Variants in CNTN4 observed in about 807,000 individuals in gnomAD.
The protein encoded by CNTN4 is contactin 4.
CNTN4 carries 77 observed loss-of-function variants against 122.5 expected under a neutral mutation model. The observed-to-expected ratio is 0.63, with a 90% CI of 0.52 to 0.76. CNTN4 has a LOEUF of 0.76. Ranked by LOEUF, CNTN4 falls within the 30% of genes least tolerant of loss-of-function variation. The probability of loss-of-function intolerance (pLI) is 0.00; values close to 1 mark genes in which losing one functional copy is unlikely to be tolerated. For synonymous variants in CNTN4, 512 were observed against 447.0 expected (o/e 1.15, Z -1.83); for missense variants, 1,256 against 1,259.1 (o/e 1.00, Z 0.04).
intron 13 of CNTN4, among the ~76,000 whole-genome samples, chr3:2,962,296 GAAAT>G (rs2094869121): frequency 6.6e-6 from 1 of 152,140 alleles, no homozygotes; most frequent in Non-Finnish European, 1.5e-5. Context: ...TGCAGCACAG[GAAAT>G]CCCAGGTTTC....
At chr3:2,215,083 T>C (rs1575098387) in intron 2 of CNTN4, among the ~76,000 whole-genome samples, 1 of 152,218 alleles carries the variant, frequency 6.6e-6, no homozygotes, top group East Asian at 1.9e-4. Context: ...TACAAACATA[T>C]CCTTTCTCAC....
At chr3:2,998,866 A>G (rs949466944) in intron 14 of CNTN4, among the ~76,000 whole-genome samples, 2 of 152,236 alleles carry the variant, frequency 1.3e-5, no homozygotes, top group Admixed American at 1.3e-4. Flanking sequence ...GCTAAGTGAC[A>G]TGACGCCAAC....
At chr3:2,276,977 A>G (rs967881700) in intron 2 of CNTN4, among the ~76,000 whole-genome samples, 2 of 152,180 alleles carry the variant, frequency 1.3e-5, no homozygotes, top group South Asian at 2.1e-4. Context: ...AAAAAAATCC[A>G]TATGCCACAG....
chr3:2,876,361 G>A (rs9847797), intron 8 of CNTN4, among the ~76,000 whole-genome samples: 64,744 of 152,030 alleles, frequency 0.43, 14,344 homozygotes, highest in East Asian at 0.77. Context: ...GTGAATTTGT[G>A]TGACTAATTG....
intron 4 of CNTN4, among the ~76,000 whole-genome samples, chr3:2,576,594 CTGAAGTGCAG>C (rs1559258966): frequency 1.4e-5 from 2 of 145,854 alleles, no homozygotes; most frequent in Non-Finnish European, 3.0e-5. Context: ...GTCTTCCAGG[CTGAAGTGCAG>C]TGGCACGATC....
At chr3:2,882,065 A>T (rs1477259966) in intron 8 of CNTN4, among the ~76,000 whole-genome samples, 1 of 152,166 alleles carries the variant, frequency 6.6e-6, no homozygotes, top group Non-Finnish European at 1.5e-5. Context: ...ATGTATTGAT[A>T]AGAAATAATT....
intron 3 of CNTN4, among the ~76,000 whole-genome samples, chr3:2,380,006 G>A (rs2045957996): frequency 6.9e-6 from 1 of 144,964 alleles, no homozygotes; most frequent in Non-Finnish European, 1.5e-5. Context: ...GCGGTGAGCT[G>A]AGATCGCACC....
At chr3:2,695,196 GA>G (rs2085957852) in intron 4 of CNTN4, among the ~76,000 whole-genome samples, 1 of 152,096 alleles carries the variant, frequency 6.6e-6, no homozygotes, top group Non-Finnish European at 1.5e-5. Context: ...TGGGCCCTTT[GA>G]TTTGTGTATG....
Position 2,584,699 on chromosome 3 carries a change from A to AC in CNTN4, c.55+13141_55+13142insC, listed in dbSNP as rs1259199173. 6.5e-4 allele frequency among the ~76,000 whole-genome samples: 7 copies of AC among 10,712 alleles called. 2 individuals carry two copies. The Non-Finnish European group carries it at 0.013, about 21-fold the overall frequency. The allele number at this position is 10,712 out of a possible 152,430, so 7.0% of individuals were successfully genotyped here. A position where few individuals can be genotyped will look rare whatever the true frequency, so the allele number is the denominator to read the frequency against. On this transcript the variant is annotated intron_variant, in intron 4 of 24. Transcript: ENST00000418658. Reference sequence around the variant, plus strand: ...ATGACAAAAGCAAAACTCCGTCTCAAAAAAAAAAAAAAAAAAAAAAAAGAA... The same window carrying AC: ...ATGACAAAAGCAAAACTCCGTCTCAACAAAAAAAAAAAAAAAAAAAAAAGAA...
chr3:2,706,404 C>A (rs559956170), intron 4 of CNTN4, among the ~76,000 whole-genome samples: 1 of 152,040 alleles, frequency 6.6e-6, no homozygotes, highest in African/African-American at 2.4e-5. Flanking sequence ...AAGGAAGGTG[C>A]TCTAAAATAT....
At position 2,829,121 on chromosome 3, in the gene CNTN4, T is replaced by C. The variant is rs553903163; in HGVS notation, c.454+9540T>C. On this transcript the variant is annotated intron_variant, in intron 7 of 24. Transcript: ENST00000418658. ...AAAGATATGAACTTGGACTCCTTTA[T>C]TTGAAATGTAATCAGCCAGTTCCTC... is the stretch of plus-strand genomic sequence containing the variant. Among the ~76,000 whole-genome samples the C allele has an allele frequency of 2.6e-4, 39 of 152,316 alleles. No homozygotes were observed. In the East Asian group the frequency reaches 7.1e-3, roughly 28 times the overall value.
intron 2 of CNTN4, among the ~76,000 whole-genome samples, chr3:2,264,153 A>G (rs969074950): frequency 6.6e-5 from 10 of 152,162 alleles, no homozygotes; most frequent in Admixed American, 1.3e-4. Flanking sequence ...GCTGGATCAT[A>G]TGGTAATTCT....
At chr3:2,578,476 G>T (rs35048352) in intron 4 of CNTN4, among the ~76,000 whole-genome samples, 19,371 of 152,122 alleles carry the variant, frequency 0.13, 1,291 homozygotes, top group Non-Finnish European at 0.14. Context: ...TGCACAGCAA[G>T]GTATAATATT....
At chr3:2,432,495 G>C (rs949894591) in intron 3 of CNTN4, among the ~76,000 whole-genome samples, 1 of 152,096 alleles carries the variant, frequency 6.6e-6, no homozygotes, top group African/African-American at 2.4e-5. Flanking sequence ...TGAGGAAGTA[G>C]CACTGAGCTG....
At chr3:2,282,868 A>G (rs892376511) in intron 2 of CNTN4, among the ~76,000 whole-genome samples, 4 of 152,188 alleles carry the variant, frequency 2.6e-5, no homozygotes, top group Admixed American at 2.6e-4. Flanking sequence ...CTTTGAAAAT[A>G]TGCTAAGTGA....
intron 4 of CNTN4, among the ~76,000 whole-genome samples, chr3:2,651,472 T>G (rs577817138): frequency 2.6e-5 from 4 of 152,260 alleles, no homozygotes; most frequent in African/African-American, 9.6e-5. Flanking sequence ...CTTTTCACTT[T>G]TCTAGGAATG....
chr3:2,955,496 A>T (rs529748667), intron 13 of CNTN4, among the ~76,000 whole-genome samples: 1 of 152,332 alleles, frequency 6.6e-6, no homozygotes, highest in African/African-American at 2.4e-5. Context: ...TTAAATATTC[A>T]GATATTCAAT....
At chr3:2,353,878 G>C (rs376734436) in intron 3 of CNTN4, among the ~76,000 whole-genome samples, 1 of 151,988 alleles carries the variant, frequency 6.6e-6, no homozygotes, top group Non-Finnish European at 1.5e-5. Flanking sequence ...CAGCCTGGGC[G>C]ACAGAGCGAG....
chr3:2,811,933 G>A (rs1307172571), intron 6 of CNTN4, among the ~76,000 whole-genome samples: 1 of 152,176 alleles, frequency 6.6e-6, no homozygotes, highest in Non-Finnish European at 1.5e-5. Context: ...CCCAAAGTGC[G>A]GCGATTACAG....
Sources: gnomAD v4.1 joint callset for allele counts (sites outside exome capture counted in the v4.1 genomes callset) on GRCh38, gnomAD v4.1.1 for gene constraint, MANE v1.5 for transcripts, NCBI Gene and HGNC (gene_info 2026-07-23, HGNC 2026-07-21) for gene names.